Variants in ABLIM1 observed in about 807,000 individuals in gnomAD.
ABLIM1 encodes the protein actin binding LIM protein 1.
In ABLIM1, 40 loss-of-function variants were observed where a neutral mutation model predicts 107.0. That is an observed-to-expected ratio of 0.37 (90% CI 0.29 to 0.49). The LOEUF (loss-of-function observed/expected upper bound fraction) is 0.49, where lower values mean the gene tolerates loss of function less well. ABLIM1 is among the 20% of genes least tolerant of loss of function. The pLI is 0.97. For missense variants in ABLIM1, 857 were observed against 1,008.5 expected (o/e 0.85, Z 2.04); for synonymous variants, 357 against 357.3 (o/e 1.00, Z 0.01).
intron 1 of ABLIM1, among the ~76,000 whole-genome samples, chr10:114,740,566 G>C (rs2082266112): frequency 6.6e-6 from 1 of 151,918 alleles, no homozygotes; most frequent in South Asian, 2.1e-4. Flanking sequence ...GGAAGGAAGT[G>C]GCTGCAGCCT....
In ABLIM1 at chr10:114,431,389, G is replaced by A. The variant is rs1015446104; in HGVS notation, c.*4871C>T. 1 of 152,206 alleles carries A rather than the reference G, an allele frequency of 6.6e-6. No homozygotes were observed. The highest frequency in any genetic ancestry group is 2.4e-5 in the African/African-American group (1 of 41,438). 9.4% of individuals were successfully genotyped at this position (152,206 alleles called of 1,614,324 possible). A position where few individuals can be genotyped will look rare whatever the true frequency, so the allele number is the denominator to read the frequency against. ...ACATTTGCTTTCATATTTCCAAAAG[G>A]GGAGGGAGGGCAGGAAGAACCACAC... On this transcript the variant is annotated 3_prime_UTR_variant, in exon 23 of 23. Transcript: ENST00000533213.
At chr10:114,763,385 G>A (rs2082797598) in intron 1 of ABLIM1, among the ~76,000 whole-genome samples, 1 of 146,694 alleles carries the variant, frequency 6.8e-6, no homozygotes, top group Non-Finnish European at 1.5e-5. Context: ...ACATAGTTTT[G>A]TTGTATTAAT....
chr10:114,600,693 C>G (rs1167784626), intron 2 of ABLIM1, among the ~76,000 whole-genome samples: 1 of 152,112 alleles, frequency 6.6e-6, no homozygotes, highest in Non-Finnish European at 1.5e-5. Flanking sequence ...AATGAGGGTC[C>G]TTACCCCGTG....
intron 1 of ABLIM1, among the ~76,000 whole-genome samples, chr10:114,650,001 G>A (rs192496895): frequency 0.011 from 1,621 of 152,026 alleles, 34 homozygotes; most frequent in African/African-American, 0.037. Flanking sequence ...GACTACAGGC[G>A]CCCACCACCA....
At chr10:114,674,444 G>T (rs1304664393) in intron 1 of ABLIM1, among the ~76,000 whole-genome samples, 2 of 152,174 alleles carry the variant, frequency 1.3e-5, no homozygotes, top group Non-Finnish European at 2.9e-5. Flanking sequence ...TTGGTGTTCA[G>T]GAATTCAGAA....
chr10:114,485,498 A>T, intron 8 of ABLIM1: 2 of 875,640 alleles, frequency 2.3e-6, no homozygotes, highest in Non-Finnish European at 3.3e-6. Context: ...ACTTGAGAGT[A>T]AACATCAAGT....
chr10:114,647,041 G>A (rs1308222234), intron 1 of ABLIM1, among the ~76,000 whole-genome samples: 1 of 151,974 alleles, frequency 6.6e-6, no homozygotes, highest in African/African-American at 2.4e-5. Flanking sequence ...TGTCACCCAG[G>A]CTGGAGTGCA....
chr10:114,558,174 A>G (rs1486726620), intron 4 of ABLIM1, among the ~76,000 whole-genome samples: 1 of 152,162 alleles, frequency 6.6e-6, no homozygotes, highest in Non-Finnish European at 1.5e-5. Context: ...TCTCAAGGTC[A>G]AGAACCCTTC....
chr10:114,499,872 T>G (rs1299372190), intron 6 of ABLIM1, among the ~76,000 whole-genome samples: 1 of 152,126 alleles, frequency 6.6e-6, no homozygotes, highest in Non-Finnish European at 1.5e-5. Context: ...GTCTACTGGT[T>G]TTTTCACCCT....
At chr10:114,691,305 A>C (rs143500221) in intron 1 of ABLIM1, among the ~76,000 whole-genome samples, 32 of 152,322 alleles carry the variant, frequency 2.1e-4, no homozygotes, top group African/African-American at 7.7e-4. Context: ...ATTAATATCA[A>C]TGCTGTTATT....
At chr10:114,574,693 C>A (rs1350332153) in intron 3 of ABLIM1, among the ~76,000 whole-genome samples, 1 of 152,126 alleles carries the variant, frequency 6.6e-6, no homozygotes, top group Non-Finnish European at 1.5e-5. Flanking sequence ...GTACCTGCCT[C>A]GGCCTCCCAA....
chr10:114,637,812 G>A (rs1352685650), intron 1 of ABLIM1, among the ~76,000 whole-genome samples: 1 of 152,148 alleles, frequency 6.6e-6, no homozygotes, highest in African/African-American at 2.4e-5. Context: ...TCAGACTCAC[G>A]AGTACACAAG....
At chr10:114,552,781 G>A (rs2068229741) in intron 4 of ABLIM1, among the ~76,000 whole-genome samples, 1 of 152,192 alleles carries the variant, frequency 6.6e-6, no homozygotes, top group South Asian at 2.1e-4. Context: ...TGAAGAAGGG[G>A]ACACGTTGCT....
intron 4 of ABLIM1, among the ~76,000 whole-genome samples, chr10:114,561,980 GA>G (rs1011244537): frequency 6.6e-6 from 1 of 152,144 alleles, no homozygotes; most frequent in Non-Finnish European, 1.5e-5. Context: ...ATTTCAGTAG[GA>G]AAAATCTGAA....
intron 5 of ABLIM1, 65 bp downstream of exon 5, chr10:114,547,585 A>T: frequency 6.3e-7 from 1 of 1,599,944 alleles, no homozygotes; most frequent in Non-Finnish European, 8.5e-7. Context: ...TGAGACCAGG[A>T]CCTGCAGAAG....
intron 1 of ABLIM1, among the ~76,000 whole-genome samples, chr10:114,704,302 C>CTCTCTCTATATATATATATATA (rs1380460034): frequency 2.3e-5 from 1 of 43,056 alleles, no homozygotes; most frequent in African/African-American, 8.4e-5. Context: ...CTCTCTCTCT[C>CTCTCTCTATATATATATATATA]TATATATATA....
chr10:114,543,347 C>G (rs928555819), intron 6 of ABLIM1, among the ~76,000 whole-genome samples: 1 of 152,178 alleles, frequency 6.6e-6, no homozygotes, highest in Non-Finnish European at 1.5e-5. Context: ...TTGGCAACTA[C>G]CAATCTGCTT....
intron 1 of ABLIM1, among the ~76,000 whole-genome samples, chr10:114,683,584 G>A (rs1276438636): frequency 6.6e-6 from 1 of 152,150 alleles, no homozygotes; most frequent in Non-Finnish European, 1.5e-5. Context: ...GAGATTGGAA[G>A]TGAAGGAGGG....
chr10:114,463,314 G>T, intron 12 of ABLIM1: 1 of 822,594 alleles, frequency 1.2e-6, no homozygotes, highest in Non-Finnish European at 1.7e-6. Flanking sequence ...AGGAGAAAGG[G>T]TTAAGAGTGC....
Sources: allele counts gnomAD v4.1 joint callset (sites outside exome capture counted in the v4.1 genomes callset), GRCh38; gene constraint gnomAD v4.1.1; transcripts MANE v1.5; gene names NCBI Gene and HGNC (gene_info 2026-07-23, HGNC 2026-07-21).